TLE3: variants seen among roughly 807,000 people sequenced by gnomAD.
TLE3 encodes transducin-like enhancer protein 3.
Under a neutral mutation model 93.0 loss-of-function variants are expected in TLE3, and 14 were observed. That is an observed-to-expected ratio of 0.15 (90% CI 0.10 to 0.24). The LOEUF (loss-of-function observed/expected upper bound fraction) is 0.24, where lower values mean the gene tolerates loss of function less well. Among genes scored for constraint, TLE3 ranks in the 10% least tolerant of loss-of-function variants. The probability of loss-of-function intolerance (pLI) is 1.00; values close to 1 mark genes in which losing one functional copy is unlikely to be tolerated. For synonymous variants in TLE3, 451 were observed against 425.0 expected, an observed-to-expected ratio of 1.06 and a Z score of -0.75; for missense variants, 693 against 1,046.6, an observed-to-expected ratio of 0.66 and a Z score of 4.66.
At chr15:70,076,964 C>T (rs1397699060) in intron 4 of TLE3, among the ~76,000 whole-genome samples, 2 of 152,176 alleles carry the variant, frequency 1.3e-5, no homozygotes, top group African/African-American at 2.4e-5. Flanking sequence ...GTGATCTGCC[C>T]ACCTTGGCCT....
chr15:70,076,233 T>TGCC (rs72447310), intron 4 of TLE3, 75 bp from the exon 5 acceptor site: 16 of 1,350,122 alleles, frequency 1.2e-5, no homozygotes, highest in Non-Finnish European at 1.5e-5. Context: ...CAAGTGGAAA[T>TGCC]GCAAACTCCC....
At chr15:70,081,278 G>A (rs12913478) in intron 4 of TLE3, among the ~76,000 whole-genome samples, 50,679 of 152,136 alleles carry the variant, frequency 0.33, 9,566 homozygotes, top group Middle Eastern at 0.55. Flanking sequence ...TTCCCGAATT[G>A]GCGTGCAGCT....
chr15:70,096,792 G>A lies in TLE3; in HGVS notation c.7C>T (p.Pro3Ser), dbSNP rs779846963. 4.3e-6 allele frequency: 7 copies of A among 1,612,278 alleles called. No homozygotes were observed. The highest frequency in any genetic ancestry group is 5.9e-6 in the Non-Finnish European group (7 of 1,179,134). The change falls in exon 1 of 20, where the codon CCG becomes TCG. Residue 3 changes from proline to serine, a missense_variant. Physicochemically the swap from Pro to Ser is moderately conservative, Grantham distance 74. Around this residue, in one of 4 missense-constraint regions of TLE3, gnomAD observed 31 missense variants for 24.0 expected, o/e 1.29. Coordinates refer to ENST00000451782, the MANE Select transcript of TLE3 (RefSeq NM_001105192.3). Reference sequence around the variant, plus strand: ...TTACTCACCGGATGTCTGCCCTGCGGATACATGGCAGGGAGGGGTCGTGAT... The same window carrying A: ...TTACTCACCGGATGTCTGCCCTGCGAATACATGGCAGGGAGGGGTCGTGAT... MY[P>S]QGRHPAPHQP...
chr15:70,066,448 C>T (rs1306056702), intron 6 of TLE3, among the ~76,000 whole-genome samples: 5 of 151,090 alleles, frequency 3.3e-5, no homozygotes, highest in African/African-American at 1.2e-4. Flanking sequence ...TCTTCAAGCA[C>T]CCCCCAACTC....
intron 6 of TLE3, 134 bp from the exon 7 acceptor site, chr15:70,066,352 C>A: frequency 1.4e-6 from 1 of 731,530 alleles, no homozygotes; most frequent in Non-Finnish European, 2.1e-6. Context: ...GGGGGAAGCA[C>A]CCCCAAAACC....
At chr15:70,073,795 A>G (rs1288669941) in intron 6 of TLE3, among the ~76,000 whole-genome samples, 1 of 152,218 alleles carries the variant, frequency 6.6e-6, no homozygotes, top group African/African-American at 2.4e-5. Flanking sequence ...CCTCACACCA[A>G]AGCAGCAAGC....
rs143706588 is a variant in TLE3 at position 70,072,820 on chromosome 15, G to A, written c.372+1713C>T. Among the ~76,000 whole-genome samples, 442 of 152,342 alleles carry A rather than the reference G, an allele frequency of 2.9e-3. 2 individuals carry two copies. Among genetic ancestry groups the A allele is most frequent in the African/African-American group, 0.01 (425 of 41,574 alleles). On this transcript the variant is annotated intron_variant, in intron 6 of 19. Coordinates refer to ENST00000451782, the MANE Select transcript of TLE3 (RefSeq NM_001105192.3). ...CACAATGCACAGGATGGCAAAGAAT[G>A]ATCTGGCCCCAAATTTCAACAGTGT...
intron 14 of TLE3, 177 bp from the exon 15 acceptor site, chr15:70,055,475 A>AC (rs2055937746): frequency 1.4e-6 from 1 of 708,602 alleles, no homozygotes; most frequent in African/African-American, 2.4e-5. Context: ...ATCGAGGTAG[A>AC]CATGATTAAC....
Position 70,086,087 on chromosome 15 carries a change from A to T in TLE3, c.234+8445T>A, listed in dbSNP as rs192062746. On this transcript the variant is annotated intron_variant, in intron 4 of 19. Transcript: ENST00000451782. ...CCTCCTTCCTCTATCCCACCCGACCAGTTAGACCCTCACTCCAGACCATCT... is the reference window on the plus strand; with the variant it reads ...CCTCCTTCCTCTATCCCACCCGACCTGTTAGACCCTCACTCCAGACCATCT... Among the ~76,000 whole-genome samples, 324 of 152,244 alleles carry T rather than the reference A, an allele frequency of 2.1e-3. 3 individuals are homozygous for T. Among genetic ancestry groups the T allele is most frequent in the African/African-American group, 7.6e-3 (316 of 41,534 alleles).
At position 70,048,947 on chromosome 15, in the gene TLE3, A is replaced by AG. The variant is rs897681694; in HGVS notation, c.*1149dup. Reference sequence around the variant, plus strand: ...GGAGAGGAAGAGACTGTAGGCGGGAAGGGGGAGAAGGCATTTTATAAAAGG... The same window carrying AG: ...GGAGAGGAAGAGACTGTAGGCGGGAAGGGGGGAGAAGGCATTTTATAAAAGG... On this transcript the variant is annotated 3_prime_UTR_variant, in exon 20 of 20. Coordinates refer to ENST00000451782, the MANE Select transcript of TLE3 (RefSeq NM_001105192.3). 8 of 152,004 alleles carry AG rather than the reference A, an allele frequency of 5.3e-5. No homozygotes were observed. The highest frequency in any genetic ancestry group is 1.3e-4 in the Admixed American group (2 of 15,272). 9.4% of individuals were successfully genotyped at this position (152,004 alleles called of 1,614,324 possible).
intron 10 of TLE3, 144 bp downstream of exon 10, chr15:70,059,266 C>G (rs949724984): frequency 6.2e-6 from 6 of 973,270 alleles, no homozygotes; most frequent in Admixed American, 2.7e-5. Flanking sequence ...CTCTTGACCC[C>G]CTGAGACCCC....
chr15:70,065,969 G>GCCCACCCCAGCCCCCCCCCACC, intron 7 of TLE3, 45 bp downstream of exon 7: 1 of 1,294,406 alleles, frequency 7.7e-7, no homozygotes, highest in Non-Finnish European at 1.1e-6. Context: ...GAGCGCCCAT[G>GCCCACCCCAGCCCCCCCCCACC]CCCACCCCTG....
intron 18 of TLE3, among the ~76,000 whole-genome samples, chr15:70,051,699 T>C (rs1220871846): frequency 2.0e-5 from 3 of 152,160 alleles, no homozygotes; most frequent in African/African-American, 7.2e-5. Flanking sequence ...AGGTAGGATT[T>C]GAAGTTCATT....
At chr15:70,068,139 C>G (rs1040047526) in intron 6 of TLE3, among the ~76,000 whole-genome samples, 3 of 152,096 alleles carry the variant, frequency 2.0e-5, no homozygotes, top group African/African-American at 2.4e-5. Flanking sequence ...TAATACATGC[C>G]CATTTTAAGA....
intron 6 of TLE3, among the ~76,000 whole-genome samples, chr15:70,071,758 C>T (rs2057181849): frequency 6.6e-6 from 1 of 152,120 alleles, no homozygotes; most frequent in Non-Finnish European, 1.5e-5. Flanking sequence ...TGGGGGTAGC[C>T]ACTGAAAGCT....
At chr15:70,089,947 A>G (rs77873541) in intron 4 of TLE3, among the ~76,000 whole-genome samples, 2 of 152,210 alleles carry the variant, frequency 1.3e-5, no homozygotes, top group East Asian at 1.9e-4. Context: ...TGAGTCCCGA[A>G]TTAGGAGCCA....
At chr15:70,056,462 C>G (rs1473840347) in intron 13 of TLE3, 88 bp from the exon 14 acceptor site, 1 of 1,230,486 alleles carries the variant, frequency 8.1e-7, no homozygotes, top group Non-Finnish European at 1.2e-6. Flanking sequence ...CGGGGTCCTA[C>G]CTGCACGGCT....
Position 70,049,881 on chromosome 15 carries a change from C to G in TLE3, c.*216G>C. On this transcript the variant is annotated 3_prime_UTR_variant, in exon 20 of 20. Transcript: ENST00000451782. The stretch of plus-strand genomic sequence containing the variant: ...CATTGTTCAGGGGGAGGAGGAGGAG[C>G]AGAACCCTTCCGAGTCTGTGAGACA... 1.9e-6 allele frequency: 1 copy of G among 513,336 alleles called. No individual in the cohort carries two copies. Among genetic ancestry groups the G allele is most frequent in the South Asian group, 2.5e-5 (1 of 40,576 alleles). The allele number at this position is 513,336 out of a possible 1,614,324, so 31.8% of individuals were successfully genotyped here.
chr15:70,064,274 T>A (rs1217535605), intron 8 of TLE3, among the ~76,000 whole-genome samples, 180 bp downstream of exon 8: 2 of 152,114 alleles, frequency 1.3e-5, no homozygotes, highest in Non-Finnish European at 2.9e-5. Context: ...AGCTCCCAGC[T>A]CAGCAAGAGT....
Sources: gnomAD v4.1 joint callset for allele counts (sites outside exome capture counted in the v4.1 genomes callset) on GRCh38, gnomAD v4.1.1 for gene constraint, gnomAD v4.1.1 regional missense constraint, MANE v1.5 for transcripts, NCBI Gene and HGNC (gene_info 2026-07-23, HGNC 2026-07-21) for gene names.